LSM14A: variants seen among roughly 807,000 people sequenced by gnomAD.
LSM14A encodes LSM14A mRNA processing body assembly factor.
LSM14A carries 14 observed loss-of-function variants against 52.4 expected under a neutral mutation model. The ratio of observed to expected loss-of-function variants is 0.27; its 90% CI spans 0.18 to 0.42. LSM14A has a LOEUF of 0.42. Among genes scored for constraint, LSM14A ranks in the 10% least tolerant of loss-of-function variants. LSM14A has a pLI of 1.00. For synonymous variants in LSM14A, 185 were observed against 200.3 expected (o/e 0.92, Z 0.64); for missense variants, 417 against 581.8 (o/e 0.72, Z 2.91).
intron 3 of LSM14A, among the ~76,000 whole-genome samples, chr19:34,199,597 T>G (rs1214274450): frequency 6.6e-6 from 1 of 152,104 alleles, no homozygotes; most frequent in East Asian, 1.9e-4. Flanking sequence ...ATGGTATGTG[T>G]ATGGACTCAT....
chr19:34,176,426 C>T (rs979972583), intron 1 of LSM14A, among the ~76,000 whole-genome samples: 6 of 152,078 alleles, frequency 3.9e-5, no homozygotes, highest in Non-Finnish European at 8.8e-5. Flanking sequence ...TGCCAGCATC[C>T]CAGAAGCCTC....
rs867093101 is a variant in LSM14A, at chr19:34,227,377, GT to G, written c.1383del (p.Ala462LeufsTer9). The G allele has an allele frequency of 2.5e-6, 4 of 1,597,070 alleles. No homozygotes were observed. The Admixed American group carries it at 5.3e-5, about 21-fold the overall frequency. ...TTTTCTTTTTTAGAAAGACAACAAA[GT>G]TGCTGCATAGTCTACAAACAAGTCT... is the stretch of plus-strand genomic sequence containing the variant. ...ADFEYRKDNK[V>X]AA is the part of the protein sequence containing the mutation. On this transcript the variant is annotated frameshift_variant, in exon 10 of 10. Coordinates refer to ENST00000544216, the MANE Select transcript of LSM14A (RefSeq NM_015578.4). LOFTEE classifies it high-confidence loss of function.
Position 34,205,913 on chromosome 19 carries a change from A to G in LSM14A, c.416-3016A>G, listed in dbSNP as rs186550237. ...CTAACAAAACTGATTAAGGAAAGAAAGAACAACCAAGCAAGTTGCCAATAC... is the reference window on the plus strand; with the variant it reads ...CTAACAAAACTGATTAAGGAAAGAAGGAACAACCAAGCAAGTTGCCAATAC... On this transcript the variant is annotated intron_variant, in intron 3 of 9. Coordinates refer to ENST00000544216, the MANE Select transcript of LSM14A (RefSeq NM_015578.4). Among the ~76,000 whole-genome samples the G allele has an allele frequency of 3.7e-3, 571 of 152,306 alleles. 4 individuals are homozygous for G. The highest frequency in any genetic ancestry group is 6.3e-3 in the Non-Finnish European group (428 of 68,032).
chr19:34,226,530 G>A (rs2073357954), intron 9 of LSM14A: 1 of 1,321,986 alleles, frequency 7.6e-7, no homozygotes, highest in East Asian at 2.6e-5. Context: ...GGTTCATCTT[G>A]TAGCTCATTG....
intron 1 of LSM14A, among the ~76,000 whole-genome samples, chr19:34,192,632 C>CAAAAAAAAAAAAAAAAAAAAAAAAAAAAA (rs548374017): frequency 2.6e-5 from 2 of 76,952 alleles, no homozygotes; most frequent in Non-Finnish European, 4.7e-5. Context: ...ATCAGTTCTG[C>CAAAAAAAAAAAAAAAAAAAAAAAAAAAAA]AAAAAAAAAA....
intron 1 of LSM14A, among the ~76,000 whole-genome samples, chr19:34,193,011 G>T (rs965305648): frequency 6.6e-6 from 1 of 151,828 alleles, no homozygotes; most frequent in Non-Finnish European, 1.5e-5. Flanking sequence ...AATGTTAAGG[G>T]GTTTACTTCC....
At chr19:34,200,378 A>G (rs1375424108) in intron 3 of LSM14A, among the ~76,000 whole-genome samples, 1 of 152,232 alleles carries the variant, frequency 6.6e-6, no homozygotes, top group African/African-American at 2.4e-5. Flanking sequence ...TTTAGGGACT[A>G]CTAAGGAACT....
At chr19:34,177,562 T>G (rs898013937) in intron 1 of LSM14A, among the ~76,000 whole-genome samples, 1 of 152,174 alleles carries the variant, frequency 6.6e-6, no homozygotes, top group Non-Finnish European at 1.5e-5. Flanking sequence ...TGGTGGAAAG[T>G]CCTTGTTTGT....
At chr19:34,222,435 T>C (rs1348578054) in intron 9 of LSM14A, among the ~76,000 whole-genome samples, 1 of 152,262 alleles carries the variant, frequency 6.6e-6, no homozygotes, top group Non-Finnish European at 1.5e-5. Context: ...CAGGTGTCTG[T>C]AAATTAAGTC....
chr19:34,219,421 G>A lies in LSM14A; in HGVS notation c.812G>A (p.Gly271Glu), dbSNP rs762292266. The A allele has an allele frequency of 6.2e-7, 1 of 1,613,758 alleles. No homozygotes were observed. The highest frequency in any genetic ancestry group is 1.1e-5 in the South Asian group (1 of 91,036). ...APGAPSAPRR[G>E]RGGHRGGRGR... ...GGTGCTCCTTCAGCTCCAAGGAGAG[G>A]GCGTGGGGGTCATCGGGGTGGCAGG... Residue 271 changes from glycine (G) to glutamate (E), a missense_variant, in exon 7 of 10, where the codon GGG (glycine) becomes GAG (glutamate). By Grantham distance (98) the Gly-to-Glu change is moderately conservative. Transcript: ENST00000544216.
chr19:34,194,668 G>A (rs201515142), intron 2 of LSM14A, 27 bp downstream of exon 2: 113 of 1,612,138 alleles, frequency 7.0e-5, no homozygotes, highest in Non-Finnish European at 8.7e-5. Context: ...TTGTCTTGGA[G>A]TACAGGTAAA....
chr19:34,208,375 G>A (rs894754261), intron 3 of LSM14A: 5 of 152,148 alleles, frequency 3.3e-5, no homozygotes, highest in Admixed American at 2.0e-4. Context: ...GCAGAGAATT[G>A]GGCCCTTTCT....
At chr19:34,184,884 T>C (rs1311959667) in intron 1 of LSM14A, among the ~76,000 whole-genome samples, 1 of 152,230 alleles carries the variant, frequency 6.6e-6, no homozygotes, top group Non-Finnish European at 1.5e-5. Flanking sequence ...ACACAACATT[T>C]AAGCTGGGGC....
chr19:34,193,746 T>C (rs2070639193), intron 1 of LSM14A, among the ~76,000 whole-genome samples: 1 of 152,166 alleles, frequency 6.6e-6, no homozygotes, highest in Non-Finnish European at 1.5e-5. Context: ...CCTTCATTGC[T>C]CTCTGTGTCC....
intron 1 of LSM14A, among the ~76,000 whole-genome samples, chr19:34,173,213 T>A (rs147824884): frequency 2.0e-5 from 3 of 152,250 alleles, no homozygotes; most frequent in Non-Finnish European, 4.4e-5. Context: ...GCGATCTTCC[T>A]CTGGTGAACT....
chr19:34,207,066 T>G (rs1033621758), intron 3 of LSM14A, among the ~76,000 whole-genome samples: 1 of 152,188 alleles, frequency 6.6e-6, no homozygotes, highest in Admixed American at 6.5e-5. Context: ...CAGCTGTTTA[T>G]CTGTGGAAAA....
chr19:34,173,875 G>A (rs2068891303), intron 1 of LSM14A, among the ~76,000 whole-genome samples: 1 of 152,202 alleles, frequency 6.6e-6, no homozygotes, highest in South Asian at 2.1e-4. Context: ...TTAACAGATA[G>A]GGGAGTGGTT....
chr19:34,195,696 A>T lies in LSM14A; in HGVS notation c.286-938A>T, dbSNP rs117181969. 8.5e-3 allele frequency among the ~76,000 whole-genome samples: 1,294 copies of T among 152,206 alleles called. 10 individuals are homozygous for T. Among genetic ancestry groups the T allele is most frequent in the South Asian group, 0.02 (98 of 4,820 alleles). On this transcript the variant is annotated intron_variant, in intron 2 of 9. Transcript: ENST00000544216. ...GAAATGTGAATCTCTTTAAATGGAG[A>T]AGGAAGAGACACATTCTTAATAGAG...
chr19:34,215,416 T>C, intron 5 of LSM14A, 116 bp downstream of exon 5: 1 of 1,203,850 alleles, frequency 8.3e-7, no homozygotes, highest in Non-Finnish European at 1.2e-6. Flanking sequence ...AAACTGAATA[T>C]GATAGAATGT....
Sources: allele counts gnomAD v4.1 joint callset (sites outside exome capture counted in the v4.1 genomes callset), GRCh38; gene constraint gnomAD v4.1.1; transcripts MANE v1.5; gene names NCBI Gene and HGNC (gene_info 2026-07-23, HGNC 2026-07-21).